The following MCTP1 variants were observed in gnomAD, a reference collection of about 807,000 sequenced individuals.
The protein encoded by MCTP1 is multiple C2 and transmembrane domain containing 1, also known as multiple C2 and transmembrane domain-containing protein 1.
A neutral mutation model predicts 120.6 loss-of-function variants in MCTP1; 69 were observed. The ratio of observed to expected loss-of-function variants is 0.57; its 90% CI spans 0.47 to 0.70. MCTP1 has a LOEUF of 0.70. Among genes scored for constraint, MCTP1 ranks in the 30% least tolerant of loss-of-function variants. The pLI, the probability that MCTP1 is intolerant of heterozygous loss-of-function variation, is 0.00. For synonymous variants in MCTP1, 529 were observed against 493.1 expected, an observed-to-expected ratio of 1.07 and a Z score of -0.96; for missense variants, 1,203 against 1,248.8, an observed-to-expected ratio of 0.96 and a Z score of 0.55.
chr5:95,124,606 T>G lies in MCTP1; in HGVS notation c.721-107122A>C, dbSNP rs1026097120. Among the ~76,000 whole-genome samples the G allele has an allele frequency of 5.3e-5, 8 of 152,208 alleles. 1 individual carries two copies. Among genetic ancestry groups the G allele is most frequent in the Admixed American group, 1.3e-4 (2 of 15,278 alleles). ...CCTGAAGTACAGTAGTCCTTGTCCT[T>G]TCCATCACTGGCATTTATGAAGCAT... On this transcript the variant is annotated intron_variant, in intron 1 of 22. Transcript: ENST00000515393.
chr5:94,801,564 G>C (rs1781240444), intron 17 of MCTP1, among the ~76,000 whole-genome samples: 1 of 152,222 alleles, frequency 6.6e-6, no homozygotes, highest in Non-Finnish European at 1.5e-5. Flanking sequence ...TTTTCTGAGG[G>C]CATTCATTTG....
At chr5:94,861,943 C>T (rs939370333) in intron 17 of MCTP1, among the ~76,000 whole-genome samples, 2 of 151,758 alleles carry the variant, frequency 1.3e-5, no homozygotes, top group South Asian at 2.1e-4. Context: ...AAAAACACAC[C>T]GAGGCTTTGG....
chr5:94,955,883 C>A (rs993365138), intron 2 of MCTP1, among the ~76,000 whole-genome samples: 3 of 152,220 alleles, frequency 2.0e-5, no homozygotes, highest in African/African-American at 4.8e-5. Flanking sequence ...CTGAAGAGAG[C>A]AGCAGATCTC....
intron 11 of MCTP1, among the ~76,000 whole-genome samples, chr5:94,889,210 T>TA (rs1295387888): frequency 2.0e-5 from 3 of 152,180 alleles, no homozygotes; most frequent in Non-Finnish European, 4.4e-5. Flanking sequence ...TCAAAAGACT[T>TA]ATGCAATTCT....
At chr5:94,748,013 C>T (rs1243805626) in intron 19 of MCTP1, among the ~76,000 whole-genome samples, 1 of 152,120 alleles carries the variant, frequency 6.6e-6, no homozygotes, top group Non-Finnish European at 1.5e-5. Flanking sequence ...TTGCTTGAAC[C>T]CAGGAGTCAG....
chr5:95,070,351 G>A (rs1444445256), intron 1 of MCTP1, among the ~76,000 whole-genome samples: 1 of 151,536 alleles, frequency 6.6e-6, no homozygotes, highest in Admixed American at 6.6e-5. Flanking sequence ...TTGCACTTGA[G>A]TGCAACACCT....
Position 95,171,672 on chromosome 5 carries a change from G to C in MCTP1, c.720+112184C>G, listed in dbSNP as rs116401824. 2.6e-5 allele frequency among the ~76,000 whole-genome samples: 4 copies of C among 151,990 alleles called. No individual in the cohort carries two copies. In the East Asian group the frequency reaches 7.7e-4, roughly 29 times the overall value. On this transcript the variant is annotated intron_variant, in intron 1 of 22. Coordinates refer to ENST00000515393, the MANE Select transcript of MCTP1 (RefSeq NM_024717.7). ...TCATTTCATTATTTGATCTTCCATC[G>C]CTGGTACCCTTTCTTCCAGTTGATC...
At chr5:94,964,414 G>A (rs1825105273) in intron 2 of MCTP1, among the ~76,000 whole-genome samples, 1 of 152,076 alleles carries the variant, frequency 6.6e-6, no homozygotes, top group Non-Finnish European at 1.5e-5. Context: ...TTGATTTTCT[G>A]TCTAGATGAT....
At position 94,867,363 on chromosome 5, in the gene MCTP1, A is replaced by G. The variant is rs765833961; in HGVS notation, c.2436+970T>C. 1.5e-5 allele frequency: 23 copies of G among 1,532,346 alleles called. No individual in the cohort carries two copies. The South Asian group carries it at 1.8e-4, about 12-fold the overall frequency. The allele number at this position is 1,532,346 out of a possible 1,614,324, so 94.9% of individuals were successfully genotyped here. Reference sequence around the variant, plus strand: ...CTTTGTTCCATGTGCTCAGACATTAATGAAAGTCCCATACAAGGCCTGAGA... The same window carrying G: ...CTTTGTTCCATGTGCTCAGACATTAGTGAAAGTCCCATACAAGGCCTGAGA... On this transcript the variant is annotated intron_variant, in intron 17 of 22. Transcript: ENST00000515393.
rs796212095 is a variant in MCTP1, at chr5:94,988,599, T to G, written c.838+28768A>C. Reference sequence around the variant, plus strand: ...GCATTTAATAATTCCCTGTGTGTGTTTTTTTTTTTTTTTTTTTGGTACTTC... The same window carrying G: ...GCATTTAATAATTCCCTGTGTGTGTGTTTTTTTTTTTTTTTTTGGTACTTC... On this transcript the variant is annotated intron_variant, in intron 2 of 22. Transcript: ENST00000515393. Among the ~76,000 whole-genome samples the G allele has an allele frequency of 4.9e-3, 613 of 124,084 alleles. 1 individual carries two copies. The highest frequency in any genetic ancestry group is 0.022 in the South Asian group (92 of 4,202). The allele number at this position is 124,084 out of a possible 152,430, so 81.4% of individuals were successfully genotyped here.
chr5:94,942,315 G>A (rs1234984003), intron 4 of MCTP1, 33 bp downstream of exon 4: 5 of 1,505,224 alleles, frequency 3.3e-6, no homozygotes, highest in Non-Finnish European at 4.6e-6. Flanking sequence ...TGCATGACAA[G>A]GGGTGGTGAT....
At chr5:95,282,821 T>G (rs1760431775) in intron 1 of MCTP1, among the ~76,000 whole-genome samples, 1 of 152,216 alleles carries the variant, frequency 6.6e-6, no homozygotes, top group South Asian at 2.1e-4. Flanking sequence ...AAAGCCTATC[T>G]ATTCCCGTAT....
chr5:95,273,432 A>C (rs1312323400), intron 1 of MCTP1, among the ~76,000 whole-genome samples: 1 of 152,206 alleles, frequency 6.6e-6, no homozygotes, highest in African/African-American at 2.4e-5. Flanking sequence ...AATTTCCAAC[A>C]GAGCCCTTGG....
At chr5:94,842,939 T>C (rs1791456464) in intron 17 of MCTP1, among the ~76,000 whole-genome samples, 1 of 151,616 alleles carries the variant, frequency 6.6e-6, no homozygotes, top group Non-Finnish European at 1.5e-5. Context: ...AGTATTTGCT[T>C]TGGATGTGAA....
chr5:94,823,692 C>CATTT (rs1786223185), intron 17 of MCTP1, among the ~76,000 whole-genome samples: 1 of 152,088 alleles, frequency 6.6e-6, no homozygotes, highest in South Asian at 2.1e-4. Flanking sequence ...AATGTTCTTC[C>CATTT]ATTTGTTTGT....
intron 1 of MCTP1, among the ~76,000 whole-genome samples, chr5:95,227,204 G>A (rs1031352343): frequency 6.6e-6 from 1 of 152,146 alleles, no homozygotes; most frequent in Non-Finnish European, 1.5e-5. Flanking sequence ...TGTCTCATGT[G>A]TCTTCTCAGC....
chr5:95,278,939 G>C (rs564625303), intron 1 of MCTP1, among the ~76,000 whole-genome samples: 2 of 148,494 alleles, frequency 1.3e-5, no homozygotes, highest in Non-Finnish European at 3.0e-5. Flanking sequence ...TCCAGCCTGG[G>C]CAACAAGAGC....
intron 2 of MCTP1, among the ~76,000 whole-genome samples, chr5:94,988,816 A>G (rs1485510624): frequency 6.6e-6 from 1 of 152,078 alleles, no homozygotes; most frequent in Non-Finnish European, 1.5e-5. Context: ...GGTCTCAGAT[A>G]ACTTACAATT....
chr5:94,891,750 ATAAAT>A (rs1319939736), intron 11 of MCTP1, among the ~76,000 whole-genome samples: 23 of 69,378 alleles, frequency 3.3e-4, no homozygotes, highest in African/African-American at 2.0e-3. Flanking sequence ...AGAAGTAAAA[ATAAAT>A]AAATAAATAA....
Sources: allele counts gnomAD v4.1 joint callset (sites outside exome capture counted in the v4.1 genomes callset), GRCh38; gene constraint gnomAD v4.1.1; transcripts MANE v1.5; gene names NCBI Gene and HGNC (gene_info 2026-07-23, HGNC 2026-07-21).